The following PLCB1 variants were observed in gnomAD, a reference collection of about 807,000 sequenced individuals.
PLCB1 encodes 1-phosphatidylinositol 4,5-bisphosphate phosphodiesterase beta-1.
A neutral mutation model predicts 161.8 loss-of-function variants in PLCB1; 46 were observed. The observed-to-expected ratio is 0.28, with a 90% CI of 0.22 to 0.36. The LOEUF is 0.36. Ranked by LOEUF, PLCB1 falls within the 10% of genes least tolerant of loss-of-function variation. PLCB1 has a pLI of 1.00. For missense variants in PLCB1, 1,016 were observed against 1,472.5 expected (o/e 0.69, Z 5.07); for synonymous variants, 517 against 503.7 (o/e 1.03, Z -0.35).
chr20:8,369,953 T>C (rs887792845), intron 2 of PLCB1, among the ~76,000 whole-genome samples: 1 of 152,156 alleles, frequency 6.6e-6, no homozygotes, highest in Non-Finnish European at 1.5e-5. Flanking sequence ...GCACCAGACA[T>C]TTGGAACTGG....
chr20:8,459,298 A>G (rs571614982), intron 3 of PLCB1, among the ~76,000 whole-genome samples: 26 of 152,300 alleles, frequency 1.7e-4, no homozygotes, highest in African/African-American at 5.1e-4. Context: ...TGTTTTTTCA[A>G]TCCTGTTCTT....
chr20:8,592,029 C>T (rs6086524), intron 3 of PLCB1, among the ~76,000 whole-genome samples: 47,178 of 152,096 alleles, frequency 0.31, 8,573 homozygotes, highest in Non-Finnish European at 0.41. Context: ...GTTCCATATA[C>T]ACCTTATACA....
intron 3 of PLCB1, among the ~76,000 whole-genome samples, chr20:8,523,496 C>CTATATATATATATATATA (rs777011717): frequency 1.9e-5 from 1 of 51,652 alleles, no homozygotes; most frequent in African/African-American, 8.3e-5. Flanking sequence ...CTCTCTCTCT[C>CTATATATATATATATATA]TATATATATA....
chr20:8,143,132 A>G (rs935663225), intron 1 of PLCB1, among the ~76,000 whole-genome samples: 15 of 152,024 alleles, frequency 9.9e-5, no homozygotes, highest in African/African-American at 3.4e-4. Flanking sequence ...AACCAACACA[A>G]TGTTCCCCAG....
intron 3 of PLCB1, among the ~76,000 whole-genome samples, chr20:8,399,038 G>C (rs79204969): frequency 2.0e-5 from 3 of 147,842 alleles, no homozygotes; most frequent in African/African-American, 7.5e-5. Context: ...CAGTTAGTAA[G>C]TCTTTATTCA....
chr20:8,765,451 C>A, intron 26 of PLCB1, 93 bp downstream of exon 26: 4 of 925,550 alleles, frequency 4.3e-6, no homozygotes, highest in Non-Finnish European at 6.5e-6. Context: ...TGGACCTGTA[C>A]CATGGCAAGA....
rs561121341 is a variant in PLCB1 at position 8,833,589 on chromosome 20, AGTG to A, written c.3423+43332_3423+43334del. Among the ~76,000 whole-genome samples, 30 of 152,290 alleles carry A rather than the reference AGTG, an allele frequency of 2.0e-4. 1 individual carries two copies. In the East Asian group the frequency reaches 5.4e-3, roughly 27 times the overall value. On this transcript the variant is annotated intron_variant, in intron 31 of 31. Coordinates refer to ENST00000338037, the MANE Select transcript of PLCB1 (RefSeq NM_015192.4). ...ATGTGTCCACAGAGGCAGAGATTGGAGTGGTGCAGGCTCAGGTCAAGGAATGGT... is the reference window on the plus strand; with the variant it reads ...ATGTGTCCACAGAGGCAGAGATTGGAGTGCAGGCTCAGGTCAAGGAATGGT...
intron 4 of PLCB1, among the ~76,000 whole-genome samples, chr20:8,641,749 C>G (rs556394959): frequency 6.6e-6 from 1 of 152,282 alleles, no homozygotes; most frequent in South Asian, 2.1e-4. Context: ...TGTGACAACT[C>G]TTGGTGAAGT....
At chr20:8,759,757 C>A (rs1378685246) in intron 24 of PLCB1, among the ~76,000 whole-genome samples, 1 of 152,112 alleles carries the variant, frequency 6.6e-6, no homozygotes, top group African/African-American at 2.4e-5. Context: ...ACCTTGGCCT[C>A]CCAGCGTTTG....
intron 3 of PLCB1, among the ~76,000 whole-genome samples, chr20:8,394,858 G>A (rs1298644495): frequency 6.6e-6 from 1 of 151,952 alleles, no homozygotes; most frequent in Non-Finnish European, 1.5e-5. Context: ...ACTTTTAATG[G>A]TATCTTTAAC....
chr20:8,640,881 A>G (rs1181579241), intron 4 of PLCB1, among the ~76,000 whole-genome samples: 1 of 152,134 alleles, frequency 6.6e-6, no homozygotes, highest in East Asian at 1.9e-4. Flanking sequence ...TTTCCCGTGG[A>G]AGAATTTTCT....
intron 11 of PLCB1, among the ~76,000 whole-genome samples, chr20:8,706,360 G>A (rs1340522350): frequency 6.6e-6 from 1 of 152,150 alleles, no homozygotes. Context: ...GCAAATACGT[G>A]GGAATGGTGA....
At chr20:8,582,844 C>T (rs895557293) in intron 3 of PLCB1, among the ~76,000 whole-genome samples, 4 of 152,008 alleles carry the variant, frequency 2.6e-5, no homozygotes, top group African/African-American at 9.7e-5. Context: ...AAAAAATTAG[C>T]CGGACATAGT....
At chr20:8,815,695 T>C (rs566220709) in intron 31 of PLCB1, among the ~76,000 whole-genome samples, 2 of 152,196 alleles carry the variant, frequency 1.3e-5, no homozygotes, top group African/African-American at 4.8e-5. Flanking sequence ...CCAACCATAA[T>C]GCATCTTAGT....
intron 2 of PLCB1, among the ~76,000 whole-genome samples, chr20:8,364,315 C>A (rs929198468): frequency 1.3e-5 from 2 of 152,160 alleles, no homozygotes; most frequent in Admixed American, 6.5e-5. Context: ...TTGCCAATAA[C>A]ATTGGGCCAA....
chr20:8,682,777 C>G (rs1466304609), intron 9 of PLCB1, among the ~76,000 whole-genome samples: 1 of 152,048 alleles, frequency 6.6e-6, no homozygotes, highest in African/African-American at 2.4e-5. Flanking sequence ...TTTTATATAC[C>G]ATTGGTGAAA....
intron 9 of PLCB1, among the ~76,000 whole-genome samples, chr20:8,682,918 CAA>C (rs1990256911): frequency 1.3e-5 from 2 of 151,842 alleles, no homozygotes; most frequent in African/African-American, 4.8e-5. Flanking sequence ...AGTATTTATA[CAA>C]AGATGTAACC....
rs943371207 is a variant in PLCB1 at position 8,698,494 on chromosome 20, A to G, written c.1167+711A>G. ...TATCATGATGATAGTATTAATTATT[A>G]CTGTTAATTATTATGTAAGATTCCA... On this transcript the variant is annotated intron_variant, in intron 11 of 31. Coordinates refer to ENST00000338037, the MANE Select transcript of PLCB1 (RefSeq NM_015192.4). Among the ~76,000 whole-genome samples the G allele has an allele frequency of 2.6e-5, 4 of 152,134 alleles. No individual in the cohort carries two copies. In the South Asian group the frequency reaches 6.2e-4, roughly 24 times the overall value.
intron 31 of PLCB1, among the ~76,000 whole-genome samples, chr20:8,820,047 A>G (rs1985263133): frequency 6.7e-6 from 1 of 148,676 alleles, no homozygotes; most frequent in East Asian, 2.0e-4. Flanking sequence ...ACTACCTAAA[A>G]TGCCATATAA....
Sources: gnomAD v4.1 joint callset for allele counts (sites outside exome capture counted in the v4.1 genomes callset) on GRCh38, gnomAD v4.1.1 for gene constraint, MANE v1.5 for transcripts, NCBI Gene and HGNC (gene_info 2026-07-23, HGNC 2026-07-21) for gene names.